The following MYT1L variants were observed in gnomAD, a reference collection of about 807,000 sequenced individuals.
MYT1L encodes myelin transcription factor 1-like protein.
A neutral mutation model predicts 126.7 loss-of-function variants in MYT1L; 12 were observed. The ratio of observed to expected loss-of-function variants is 0.09; its 90% CI spans 0.06 to 0.15. The LOEUF is 0.15. MYT1L is among the 10% of genes least tolerant of loss of function. The pLI is 1.00. For missense variants in MYT1L, 979 were observed against 1,585.2 expected, an observed-to-expected ratio of 0.62 and a Z score of 6.49; for synonymous variants, 541 against 604.2, an observed-to-expected ratio of 0.90 and a Z score of 1.53.
In MYT1L at chr2:2,260,491, A is replaced by G. The variant is rs17039489; in HGVS notation, c.-421+23913T>C. Among the ~76,000 whole-genome samples the G allele has an allele frequency of 4.4e-3, 675 of 152,336 alleles. 2 individuals carry two copies. The highest frequency in any genetic ancestry group is 0.015 in the African/African-American group (642 of 41,564). On this transcript the variant is annotated intron_variant, in intron 2 of 24. Transcript: ENST00000647738. ...TGTGAGTTACTATTTCACAACTTCT[A>G]GAACCATTCATACTTCTAATTTTGC...
chr2:2,315,227 T>A (rs1177169038), intron 1 of MYT1L, among the ~76,000 whole-genome samples: 1 of 152,170 alleles, frequency 6.6e-6, no homozygotes, highest in Non-Finnish European at 1.5e-5. Context: ...GATTTTCAGT[T>A]CTTAAAGGCA....
intron 2 of MYT1L, among the ~76,000 whole-genome samples, chr2:2,218,339 TAAAC>T (rs2093753978): frequency 6.6e-6 from 1 of 152,204 alleles, no homozygotes; most frequent in African/African-American, 2.4e-5. Context: ...AGTTGATTGA[TAAAC>T]AAATTGTGTA....
At chr2:2,125,438 T>C (rs560690487) in intron 3 of MYT1L, among the ~76,000 whole-genome samples, 2 of 152,354 alleles carry the variant, frequency 1.3e-5, no homozygotes, top group Admixed American at 6.5e-5. Flanking sequence ...CTCCCGTATG[T>C]ATCCTTTACT....
intron 18 of MYT1L, among the ~76,000 whole-genome samples, chr2:1,871,079 A>C (rs1306154019): frequency 6.6e-6 from 1 of 152,316 alleles, no homozygotes; most frequent in Admixed American, 6.5e-5. Context: ...GAGACAGAAG[A>C]AGCTGAGGAG....
rs763128879 is a variant in MYT1L, at chr2:1,848,254, G to A, written c.2774+3387C>T. ...GAATTGGAGTGTGTGCCTTTGTCCT[G>A]GGAGCAGGAGGGAGAATTCTACAGA... On this transcript the variant is annotated intron_variant, in intron 19 of 24. Transcript: ENST00000647738. The surrounding 1 kb of genome is among the most constrained non-coding windows in gnomAD (Gnocchi z 4.8). Among the ~76,000 whole-genome samples, 10 of 151,882 alleles carry A rather than the reference G, an allele frequency of 6.6e-5. No individual in the cohort carries two copies. Among genetic ancestry groups the A allele is most frequent in the Non-Finnish European group, 1.5e-4 (10 of 68,008 alleles).
At position 2,312,439 on chromosome 2, in the gene MYT1L, C is replaced by G. The variant is rs539688568; in HGVS notation, c.-521+18528G>C. Among the ~76,000 whole-genome samples the G allele has an allele frequency of 3.3e-5, 5 of 151,980 alleles. No individual in the cohort carries two copies. The East Asian group carries it at 9.7e-4, about 30-fold the overall frequency. ...CAGCCTGGGCAACATGGTGAAACCC[C>G]ATCTCTATAAAAAAAATTCAAAAAT... is the stretch of plus-strand genomic sequence containing the variant. On this transcript the variant is annotated intron_variant, in intron 1 of 24. Coordinates refer to ENST00000647738, the MANE Select transcript of MYT1L (RefSeq NM_001303052.2).
intron 4 of MYT1L, among the ~76,000 whole-genome samples, chr2:2,037,695 G>A (rs1281567943): frequency 6.6e-6 from 1 of 151,632 alleles, no homozygotes; most frequent in African/African-American, 2.4e-5. Flanking sequence ...GGTGGAGGTT[G>A]CAGTGAGCCA....
rs1008921066 is a variant in MYT1L at position 2,223,511 on chromosome 2, G to A, written c.-420-50523C>T. 3.9e-5 allele frequency among the ~76,000 whole-genome samples: 6 copies of A among 152,304 alleles called. 1 individual carries two copies. The South Asian group carries it at 6.2e-4, about 16-fold the overall frequency. On this transcript the variant is annotated intron_variant, in intron 2 of 24. Coordinates refer to ENST00000647738, the MANE Select transcript of MYT1L (RefSeq NM_001303052.2). ...CATTTTGTTGTTTTAAAGCTAAAATGTAATTCTTGATTGGTTCTGTACTGA... is the reference window on the plus strand; with the variant it reads ...CATTTTGTTGTTTTAAAGCTAAAATATAATTCTTGATTGGTTCTGTACTGA...
chr2:1,912,055 G>A lies in MYT1L; in HGVS notation c.1674C>T (p.Arg558=), dbSNP rs779305136. The A allele has an allele frequency of 3.3e-5, 52 of 1,597,720 alleles. No homozygotes were observed. Among genetic ancestry groups the A allele is most frequent in the East Asian group, 2.3e-5 (1 of 44,290 alleles). The change falls in exon 12 of 25, where the codon CGC becomes CGT. Residue 558 remains arginine, a synonymous_variant. Coordinates refer to ENST00000647738, the MANE Select transcript of MYT1L (RefSeq NM_001303052.2). This position sits in a 1 kb window ranked among gnomAD's most constrained non-coding sequence, Gnocchi z 4.3. ...AGTTCCTGTTGCTGTTGACATGCCC[G>A]CGCCCCGTGCAGCCCGGAGTGGGGC... ...LKCPTPGCTG[R]GHVNSNRNSH...
At chr2:1,881,355 CGTGTGTGTGTGTGTGTGTGT>C (rs59171974) in intron 18 of MYT1L, among the ~76,000 whole-genome samples, 3 of 139,124 alleles carry the variant, frequency 2.2e-5, no homozygotes, top group African/African-American at 5.3e-5. Flanking sequence ...TTTGCAGGTT[CGTGTGTGTGTGTGTGTGTGT>C]GTGTGTGTGT....
chr2:2,076,085 A>T (rs964037718), intron 3 of MYT1L, among the ~76,000 whole-genome samples: 43 of 152,320 alleles, frequency 2.8e-4, no homozygotes, highest in African/African-American at 9.4e-4. Flanking sequence ...GAGACAGCAA[A>T]CTGCTGGCAG....
intron 21 of MYT1L, 121 bp downstream of exon 21, chr2:1,839,028 C>T: frequency 1.1e-6 from 1 of 878,670 alleles, no homozygotes. Flanking sequence ...TAGTTTTCAG[C>T]CTTTTCTTTC....
Position 1,856,909 on chromosome 2 carries a change from C to T in MYT1L, c.2712-5206G>A, listed in dbSNP as rs186284218. On this transcript the variant is annotated intron_variant, in intron 18 of 24. Transcript: ENST00000647738. ...GCCAGGAAAGAGCCCACAGCACAGA[C>T]ATTCATTGTCCAGGGGTCAGGACAA... 1.5e-3 allele frequency among the ~76,000 whole-genome samples: 224 copies of T among 151,982 alleles called. 2 individuals carry two copies. The highest frequency in any genetic ancestry group is 4.6e-3 in the African/African-American group (189 of 41,288).
intron 3 of MYT1L, among the ~76,000 whole-genome samples, chr2:2,159,544 G>T (rs2087457070): frequency 6.6e-6 from 1 of 152,064 alleles, no homozygotes; most frequent in African/African-American, 2.4e-5. Flanking sequence ...AGCGCGGGCT[G>T]TGTTCAGACC....
intron 3 of MYT1L, among the ~76,000 whole-genome samples, chr2:2,171,625 C>CGTT (rs150031496): frequency 0.1 from 15,328 of 151,962 alleles, 738 homozygotes; most frequent in East Asian, 0.13. Context: ...TTGTCGTCGT[C>CGTT]GTTGTTGTTG....
intron 15 of MYT1L, 61 bp downstream of exon 15, chr2:1,891,976 T>G: frequency 6.9e-7 from 1 of 1,447,436 alleles, no homozygotes; most frequent in Non-Finnish European, 9.1e-7. Flanking sequence ...TCTCGGTGGC[T>G]GGGTCCGCGG....
intron 4 of MYT1L, among the ~76,000 whole-genome samples, chr2:2,024,364 C>A (rs954934161): frequency 1.3e-5 from 2 of 152,216 alleles, no homozygotes; most frequent in Non-Finnish European, 2.9e-5. Context: ...AGTGCAGGTG[C>A]ACACTCTGGT....
chr2:1,941,315 G>A (rs2056618198), intron 9 of MYT1L, among the ~76,000 whole-genome samples: 1 of 152,200 alleles, frequency 6.6e-6, no homozygotes, highest in Non-Finnish European at 1.5e-5. Context: ...TTTCCAAACG[G>A]GTGAGAACGT....
chr2:1,959,081 T>A (rs2058747131), intron 8 of MYT1L, among the ~76,000 whole-genome samples: 1 of 152,152 alleles, frequency 6.6e-6, no homozygotes, highest in African/African-American at 2.4e-5. Flanking sequence ...GTTTGATAAA[T>A]GCTAATAGAA....
Sources: allele counts gnomAD v4.1 joint callset (sites outside exome capture counted in the v4.1 genomes callset), GRCh38; gene constraint gnomAD v4.1.1; non-coding constraint Gnocchi (gnomAD v3.1); transcripts MANE v1.5; gene names NCBI Gene and HGNC (gene_info 2026-07-23, HGNC 2026-07-21).